Variants in R3HDM2 observed in about 807,000 individuals in gnomAD.
The protein encoded by R3HDM2 is R3H domain containing 2, also known as R3H domain-containing protein 2.
In R3HDM2, 38 loss-of-function variants were observed where a neutral mutation model predicts 124.5. The ratio of observed to expected loss-of-function variants is 0.31; its 90% confidence interval spans 0.24 to 0.40. The LOEUF is 0.40. Among genes scored for constraint, R3HDM2 ranks in the 10% least tolerant of loss-of-function variants. The probability of loss-of-function intolerance (pLI) is 1.00; values close to 1 mark genes in which losing one functional copy is unlikely to be tolerated. For synonymous variants in R3HDM2, 391 were observed against 448.0 expected (o/e 0.87, Z 1.61); for missense variants, 869 against 1,236.9 (o/e 0.70, Z 4.46).
chr12:57,276,959 T>A (rs2044923872), intron 14 of R3HDM2, among the ~76,000 whole-genome samples: 1 of 151,718 alleles, frequency 6.6e-6, no homozygotes. Context: ...GGGCAAGGGA[T>A]AAAAGACTAC....
intron 2 of R3HDM2, among the ~76,000 whole-genome samples, chr12:57,320,558 C>T (rs2056267462): frequency 6.6e-6 from 1 of 152,038 alleles, no homozygotes. Flanking sequence ...CAAGATGTCT[C>T]CTGAGGATAC....
chr12:57,330,008 T>C (rs2057906693), intron 2 of R3HDM2, among the ~76,000 whole-genome samples: 1 of 152,196 alleles, frequency 6.6e-6, no homozygotes, highest in African/African-American at 2.4e-5. Flanking sequence ...AGTTTTGCTC[T>C]TATTGCCCAG....
At chr12:57,294,510 A>G (rs2049310881) in intron 10 of R3HDM2, among the ~76,000 whole-genome samples, 1 of 152,160 alleles carries the variant, frequency 6.6e-6, no homozygotes, top group South Asian at 2.1e-4. Context: ...TCAAGCAGCA[A>G]GCAGGAAAGG....
intron 2 of R3HDM2, among the ~76,000 whole-genome samples, chr12:57,341,803 A>AG (rs2059592861): frequency 6.6e-6 from 1 of 152,190 alleles, no homozygotes; most frequent in Non-Finnish European, 1.5e-5. Flanking sequence ...GGATATTTAT[A>AG]GGGGAATCCC....
chr12:57,410,170 T>A (rs1345528352), intron 1 of R3HDM2, among the ~76,000 whole-genome samples: 1 of 152,128 alleles, frequency 6.6e-6, no homozygotes, highest in East Asian at 1.9e-4. Flanking sequence ...ACTTTGTATG[T>A]GTAATCTTAC....
intron 2 of R3HDM2, among the ~76,000 whole-genome samples, chr12:57,358,859 C>G (rs2061576773): frequency 6.6e-6 from 1 of 151,966 alleles, no homozygotes; most frequent in Non-Finnish European, 1.5e-5. Context: ...ATGCTATCCT[C>G]CCACCTCAGC....
intron 19 of R3HDM2, 52 bp downstream of exon 19, chr12:57,266,679 G>T: frequency 7.1e-7 from 1 of 1,413,478 alleles, no homozygotes; most frequent in Non-Finnish European, 9.9e-7. Context: ...AGGCCCTTCA[G>T]CAATGTTTGC....
chr12:57,338,055 G>C lies in R3HDM2; in HGVS notation c.-35-27592C>G, dbSNP rs149597306. Among the ~76,000 whole-genome samples the C allele has an allele frequency of 2.0e-3, 304 of 152,320 alleles. 2 individuals carry two copies. Among genetic ancestry groups the C allele is most frequent in the African/African-American group, 6.9e-3 (286 of 41,576 alleles). On this transcript the variant is annotated intron_variant, in intron 2 of 23. Transcript: ENST00000402412. ...GCAGTGGCTCACGCCTGTAATCTCAGCTCTTTGTGAGGCTGAGATGGGCGG... is the reference window on the plus strand; with the variant it reads ...GCAGTGGCTCACGCCTGTAATCTCACCTCTTTGTGAGGCTGAGATGGGCGG...
Position 57,296,030 on chromosome 12 carries a change from C to T in R3HDM2, c.701+381G>A, listed in dbSNP as rs761539799. On this transcript the variant is annotated intron_variant, in intron 9 of 23. Coordinates refer to ENST00000402412, the MANE Select transcript of R3HDM2 (RefSeq NM_001394031.1). The surrounding 1 kb of genome is among the most constrained non-coding windows in gnomAD (Gnocchi z 4.5). ...GATTACAGGCGCCTGCCACCGCGCC[C>T]GGCTAATTTTTGTATTTTTAGTAGA... Among the ~76,000 whole-genome samples the T allele has an allele frequency of 3.9e-4, 60 of 152,096 alleles. No homozygotes were observed. The highest frequency in any genetic ancestry group is 2.7e-3 in the South Asian group (13 of 4,818).
At chr12:57,414,103 C>T (rs892963419) in intron 1 of R3HDM2, among the ~76,000 whole-genome samples, 2 of 151,388 alleles carry the variant, frequency 1.3e-5, no homozygotes, top group African/African-American at 4.8e-5. Context: ...CCCACCTCAG[C>T]CTCCCAGAGT....
intron 1 of R3HDM2, among the ~76,000 whole-genome samples, chr12:57,403,793 T>C (rs1432124653): frequency 6.8e-6 from 1 of 148,090 alleles, no homozygotes; most frequent in Non-Finnish European, 1.5e-5. Flanking sequence ...CACTCCAGCC[T>C]GGGCGACAGA....
At position 57,254,976 on chromosome 12, in the gene R3HDM2, C is replaced by T. The variant is rs772187681; in HGVS notation, c.2770G>A (p.Gly924Ser). Residue 924 changes from glycine (G) to serine (S), a missense_variant, in exon 24 of 24, where the codon GGT (glycine) becomes AGT (serine). Coordinates refer to ENST00000402412, the MANE Select transcript of R3HDM2 (RefSeq NM_001394031.1). ...GCAGTCCCACTGTTGTCCCCCCCACCCCCTCCAGGCAGCCCCTGAGCATCC... is the reference window on the plus strand; with the variant it reads ...GCAGTCCCACTGTTGTCCCCCCCACTCCCTCCAGGCAGCCCCTGAGCATCC... ...LKDAQGLPGG[G>S]GGDNSGTAEN... 4 of 1,612,404 alleles carry T rather than the reference C, an allele frequency of 2.5e-6. No homozygotes were observed. In the East Asian group the frequency reaches 8.9e-5, roughly 36 times the overall value.
chr12:57,305,747 C>G (rs2052441355), intron 3 of R3HDM2: 1 of 397,804 alleles, frequency 2.5e-6, no homozygotes. Flanking sequence ...CAGGAGCACA[C>G]AGCAGAAGCG....
chr12:57,256,191 G>C (rs766371492), intron 22 of R3HDM2, 117 bp from the exon 23 acceptor site: 1 of 1,084,654 alleles, frequency 9.2e-7, no homozygotes, highest in East Asian at 2.4e-5. Context: ...CACCCCACTA[G>C]GCAGTCAGGT....
intron 1 of R3HDM2, among the ~76,000 whole-genome samples, chr12:57,400,859 A>C (rs1012129607): frequency 1.3e-5 from 2 of 152,300 alleles, no homozygotes; most frequent in East Asian, 1.9e-4. Flanking sequence ...GGAAGAAACA[A>C]TAGCTTTTCA....
At chr12:57,414,685 A>G (rs1343266500) in intron 1 of R3HDM2, among the ~76,000 whole-genome samples, 1 of 151,192 alleles carries the variant, frequency 6.6e-6, no homozygotes, top group Non-Finnish European at 1.5e-5. Context: ...AAAATACAAA[A>G]ATTAGCTGGG....
chr12:57,285,960 C>T (rs528065305), intron 12 of R3HDM2, among the ~76,000 whole-genome samples: 2 of 152,338 alleles, frequency 1.3e-5, no homozygotes, highest in Non-Finnish European at 2.9e-5. Flanking sequence ...AAAATGTAGA[C>T]TGCCTGATGA....
intron 2 of R3HDM2, among the ~76,000 whole-genome samples, chr12:57,319,527 G>A (rs894966443): frequency 5.1e-5 from 6 of 117,414 alleles, no homozygotes; most frequent in Admixed American, 8.5e-5. Flanking sequence ...TCCTCCCACC[G>A]GCCCCTGTTT....
chr12:57,362,178 A>T (rs746393167), intron 2 of R3HDM2, among the ~76,000 whole-genome samples: 1 of 152,112 alleles, frequency 6.6e-6, no homozygotes, highest in Non-Finnish European at 1.5e-5. Context: ...CTATTTCTGT[A>T]AAGTTACAAC....
Sources: allele counts gnomAD v4.1 joint callset (sites outside exome capture counted in the v4.1 genomes callset), GRCh38; gene constraint gnomAD v4.1.1; non-coding constraint Gnocchi (gnomAD v3.1); transcripts MANE v1.5; gene names NCBI Gene and HGNC (gene_info 2026-07-23, HGNC 2026-07-21).